RSPO2: variants seen among roughly 807,000 people sequenced by gnomAD.
RSPO2 encodes R-spondin 2, also known as R-spondin-2.
In RSPO2, 14 loss-of-function variants were observed where a neutral mutation model predicts 30.9. The ratio of observed to expected loss-of-function variants is 0.45; its 90% CI spans 0.30 to 0.71. The LOEUF (loss-of-function observed/expected upper bound fraction) is 0.71. RSPO2 is among the 30% of genes least tolerant of loss of function. The pLI is 0.08. For missense variants in RSPO2, 264 were observed against 301.9 expected (o/e 0.87, Z 0.93); for synonymous variants, 107 against 96.4 (o/e 1.11, Z -0.64).
chr8:107,916,152 G>T lies in RSPO2; in HGVS notation c.617-14962C>A, dbSNP rs186915692. On this transcript the variant is annotated intron_variant, in intron 5 of 5. Coordinates refer to ENST00000276659, the MANE Select transcript of RSPO2 (RefSeq NM_178565.5). ...AGTTCTTAAATCAAGTATTTTGTCA[G>T]AGAAACAAACTTTAATGACTTTTTC... Among the ~76,000 whole-genome samples, 76 of 152,296 alleles carry T rather than the reference G, an allele frequency of 5.0e-4. 1 individual carries two copies. Among genetic ancestry groups the T allele is most frequent in the Admixed American group, 1.6e-3 (25 of 15,280 alleles).
chr8:108,038,643 C>T (rs1012498015), intron 2 of RSPO2, among the ~76,000 whole-genome samples: 1 of 152,114 alleles, frequency 6.6e-6, no homozygotes, highest in African/African-American at 2.4e-5. Context: ...GCCACCAGCA[C>T]CCCAACCTTC....
intron 5 of RSPO2, among the ~76,000 whole-genome samples, chr8:107,901,735 G>A (rs1811475995): frequency 6.6e-6 from 1 of 152,168 alleles, no homozygotes; most frequent in Admixed American, 6.5e-5. Context: ...AAAAATTCAT[G>A]GAGACATCAT....
At chr8:108,003,289 ATATATATATATATATATATATATTTTTTT>A (rs1438036135) in intron 2 of RSPO2, among the ~76,000 whole-genome samples, 6 of 24,666 alleles carry the variant, frequency 2.4e-4, no homozygotes, top group East Asian at 1.6e-3. Flanking sequence ...ATATATATAT[ATATATATATATATATATATATATTTTTTT>A]TTTTTTTTTT....
intron 4 of RSPO2, among the ~76,000 whole-genome samples, chr8:107,958,832 A>C (rs1375965547): frequency 6.6e-6 from 1 of 152,230 alleles, no homozygotes; most frequent in Non-Finnish European, 1.5e-5. Flanking sequence ...TTTGCTGAGC[A>C]TAATGGCTTC....
intron 5 of RSPO2, among the ~76,000 whole-genome samples, chr8:107,941,688 T>C (rs1812901837): frequency 6.6e-6 from 1 of 152,244 alleles, no homozygotes; most frequent in African/African-American, 2.4e-5. Context: ...TTCTGTTCTG[T>C]TCACACGCAG....
At chr8:108,076,442 G>T (rs1813016752) in intron 2 of RSPO2, among the ~76,000 whole-genome samples, 1 of 152,222 alleles carries the variant, frequency 6.6e-6, no homozygotes, top group African/African-American at 2.4e-5. Flanking sequence ...GATGCTGGAG[G>T]ATGAGGAGTC....
At position 108,040,433 on chromosome 8, in the gene RSPO2, AG is replaced by A. The variant is rs1563575219; in HGVS notation, c.94+42111del. ...ACAAGAAAAAAAACATGAACGCAAA[AG>A]GTACAGGGGGAAAAAACCCAAGGCA... On this transcript the variant is annotated intron_variant, in intron 2 of 5. Transcript: ENST00000276659. 8.5e-5 allele frequency among the ~76,000 whole-genome samples: 13 copies of A among 152,248 alleles called. 1 individual carries two copies. The South Asian group carries it at 2.7e-3, about 32-fold the overall frequency.
At chr8:107,946,561 G>T (rs1020590888) in intron 5 of RSPO2, among the ~76,000 whole-genome samples, 2 of 152,092 alleles carry the variant, frequency 1.3e-5, no homozygotes, top group African/African-American at 4.8e-5. Context: ...GAAGCCACAA[G>T]GTAGGCCGAA....
intron 2 of RSPO2, among the ~76,000 whole-genome samples, chr8:108,033,099 CTA>C (rs948266589): frequency 4.0e-5 from 6 of 149,300 alleles, no homozygotes; most frequent in African/African-American, 1.5e-4. Flanking sequence ...CGGGGTCTCG[CTA>C]TGTTACCCAA....
intron 2 of RSPO2, among the ~76,000 whole-genome samples, chr8:108,053,102 G>T (rs1267242176): frequency 6.6e-6 from 1 of 152,172 alleles, no homozygotes; most frequent in South Asian, 2.1e-4. Context: ...TCTCAACTGG[G>T]GGACTGAGTG....
At chr8:107,974,682 GAGGGAGAGAGAC>G (rs952623522) in intron 3 of RSPO2, among the ~76,000 whole-genome samples, 1 of 152,152 alleles carries the variant, frequency 6.6e-6, no homozygotes, top group African/African-American at 2.4e-5. Context: ...AGAGAGGTGG[GAGGGAGAGAGAC>G]AGGGAGAGAG....
chr8:108,031,715 T>C (rs1255986669), intron 2 of RSPO2, among the ~76,000 whole-genome samples: 1 of 152,228 alleles, frequency 6.6e-6, no homozygotes, highest in East Asian at 1.9e-4. Flanking sequence ...ACTTTGTTTC[T>C]GATTTGTTTC....
chr8:107,954,520 C>A (rs1195231556), intron 5 of RSPO2, among the ~76,000 whole-genome samples: 1 of 152,136 alleles, frequency 6.6e-6, no homozygotes, highest in Admixed American at 6.5e-5. Flanking sequence ...ATTTTCAAGT[C>A]ATTCACTCTT....
At chr8:108,058,934 A>G (rs1218865148) in intron 2 of RSPO2, among the ~76,000 whole-genome samples, 1 of 151,722 alleles carries the variant, frequency 6.6e-6, no homozygotes, top group Non-Finnish European at 1.5e-5. Flanking sequence ...GGACATAGGC[A>G]TGGGCAAGGA....
rs542369088 is a variant in RSPO2, at chr8:107,972,036, T to TA, written c.284-11220dup. 9.6e-4 allele frequency among the ~76,000 whole-genome samples: 146 copies of TA among 152,344 alleles called. 1 individual carries two copies. Among genetic ancestry groups the TA allele is most frequent in the Non-Finnish European group, 1.7e-3 (115 of 68,030 alleles). The stretch of plus-strand genomic sequence containing the variant: ...GTAGAAAACAGAGCCTGTCTTATGC[T>TA]AGTCTGTATTCTTAGATCTCAGCAT... On this transcript the variant is annotated intron_variant, in intron 3 of 5. Coordinates refer to ENST00000276659, the MANE Select transcript of RSPO2 (RefSeq NM_178565.5).
At chr8:107,905,775 A>ATTT (rs10646586) in intron 5 of RSPO2, among the ~76,000 whole-genome samples, 8 of 149,298 alleles carry the variant, frequency 5.4e-5, no homozygotes, top group Non-Finnish European at 3.0e-5. Context: ...GTACTGTACC[A>ATTT]TTTTTTTTTT....
At chr8:108,040,262 A>G (rs1366517369) in intron 2 of RSPO2, among the ~76,000 whole-genome samples, 1 of 152,186 alleles carries the variant, frequency 6.6e-6, no homozygotes, top group Non-Finnish European at 1.5e-5. Context: ...AGGCATTAAA[A>G]TAGCTACATT....
chr8:108,040,310 T>A (rs1811714900), intron 2 of RSPO2, among the ~76,000 whole-genome samples: 1 of 152,136 alleles, frequency 6.6e-6, no homozygotes, highest in African/African-American at 2.4e-5. Flanking sequence ...AATCCCTTTT[T>A]TAATCCATGA....
chr8:107,987,791 CTTGG>C (rs1171338590), intron 3 of RSPO2, among the ~76,000 whole-genome samples: 1 of 152,084 alleles, frequency 6.6e-6, no homozygotes, highest in Non-Finnish European at 1.5e-5. Context: ...TAATATTGTC[CTTGG>C]TTGATGTAAT....
Sources: gnomAD v4.1 joint callset for allele counts (sites outside exome capture counted in the v4.1 genomes callset) on GRCh38, gnomAD v4.1.1 for gene constraint, MANE v1.5 for transcripts, NCBI Gene and HGNC (gene_info 2026-07-23, HGNC 2026-07-21) for gene names.